Variants in ATP8A2 observed in about 807,000 individuals in gnomAD.
ATP8A2 encodes the protein phospholipid-transporting ATPase IB.
Under a neutral mutation model 165.6 loss-of-function variants are expected in ATP8A2, and 100 were observed. That is an observed-to-expected ratio of 0.60 (90% CI 0.51 to 0.71). The LOEUF (loss-of-function observed/expected upper bound fraction) is 0.71. ATP8A2 is among the 30% of genes least tolerant of loss of function. ATP8A2 has a pLI of 0.00. For synonymous variants in ATP8A2, 543 were observed against 548.8 expected, an observed-to-expected ratio of 0.99 and a Z score of 0.15; for missense variants, 1,227 against 1,479.5, an observed-to-expected ratio of 0.83 and a Z score of 2.80.
chr13:25,897,267 T>G (rs1015185000), intron 33 of ATP8A2, among the ~76,000 whole-genome samples: 3 of 152,164 alleles, frequency 2.0e-5, no homozygotes, highest in African/African-American at 7.2e-5. Context: ...GTCTGTAAAG[T>G]ATTTTATTTC....
At chr13:25,923,797 A>T (rs940277883) in intron 33 of ATP8A2, among the ~76,000 whole-genome samples, 1 of 152,156 alleles carries the variant, frequency 6.6e-6, no homozygotes, top group African/African-American at 2.4e-5. Flanking sequence ...ATCTTTCTGT[A>T]GACATGGGGT....
At chr13:25,883,494 G>C (rs1157562636) in intron 33 of ATP8A2, among the ~76,000 whole-genome samples, 2 of 152,196 alleles carry the variant, frequency 1.3e-5, no homozygotes, top group East Asian at 3.8e-4. Context: ...TCACCCACTG[G>C]ACTGTCAGGA....
chr13:25,728,698 C>T (rs1157597821), intron 25 of ATP8A2, among the ~76,000 whole-genome samples: 6 of 151,734 alleles, frequency 4.0e-5, no homozygotes, highest in Non-Finnish European at 5.9e-5. Context: ...GGGGGAGCAC[C>T]GTGTCCCAGG....
chr13:25,774,540 G>C (rs1191426631), intron 26 of ATP8A2, among the ~76,000 whole-genome samples: 3 of 152,178 alleles, frequency 2.0e-5, no homozygotes, highest in Non-Finnish European at 4.4e-5. Flanking sequence ...TTCACATCCT[G>C]CACATGTATC....
intron 18 of ATP8A2, among the ~76,000 whole-genome samples, chr13:25,572,718 C>T (rs2039503170): frequency 6.6e-6 from 1 of 151,734 alleles, no homozygotes; most frequent in Non-Finnish European, 1.5e-5. Context: ...GGGGCTAGTC[C>T]CTGCCATCCC....
chr13:25,564,274 A>G (rs1409985247), intron 16 of ATP8A2, among the ~76,000 whole-genome samples: 1 of 152,216 alleles, frequency 6.6e-6, no homozygotes, highest in Admixed American at 6.5e-5. Context: ...GACGAGTTTT[A>G]CCACATAATT....
At chr13:25,902,186 G>A (rs896781963) in intron 33 of ATP8A2, among the ~76,000 whole-genome samples, 8 of 152,120 alleles carry the variant, frequency 5.3e-5, no homozygotes, top group African/African-American at 1.9e-4. Context: ...CCATTCCCCC[G>A]CCATCACCTC....
At chr13:25,794,820 TACACAC>T (rs3053488) in intron 27 of ATP8A2, among the ~76,000 whole-genome samples, 16,536 of 139,608 alleles carry the variant, frequency 0.12, 1,151 homozygotes, top group Non-Finnish European at 0.17. Context: ...TTCCCTCTCC[TACACAC>T]ACACACACAC....
At chr13:25,614,121 G>A (rs1304400300) in intron 24 of ATP8A2, among the ~76,000 whole-genome samples, 5 of 152,100 alleles carry the variant, frequency 3.3e-5, no homozygotes, top group African/African-American at 7.2e-5. Flanking sequence ...CCTCAAATAC[G>A]TTTTCTAAAG....
At chr13:25,759,570 G>A (rs1490337619) in intron 25 of ATP8A2, among the ~76,000 whole-genome samples, 2 of 152,046 alleles carry the variant, frequency 1.3e-5, no homozygotes, top group African/African-American at 4.8e-5. Context: ...GGGTCTTGGG[G>A]GCCTTAATAA....
At chr13:25,705,067 A>G in intron 25 of ATP8A2, 1 of 323,194 alleles carries the variant, frequency 3.1e-6, no homozygotes, top group Admixed American at 4.5e-5. Context: ...AAGGGGTGAA[A>G]GTTATGTGGA....
At chr13:25,517,773 T>C (rs1184911089) in intron 2 of ATP8A2, among the ~76,000 whole-genome samples, 2 of 152,236 alleles carry the variant, frequency 1.3e-5, no homozygotes, top group Non-Finnish European at 2.9e-5. Flanking sequence ...ATGTTGAAAA[T>C]ATAAATGGCA....
rs150090068 is a variant in ATP8A2 at position 25,396,886 on chromosome 13, G to A, written c.76+24598G>A. ...TGTGGTGAGACAGAACACTCACACA[G>A]CAAGCTTTCAGCAAAGCAGCTTTAT... On this transcript the variant is annotated intron_variant, in intron 1 of 36. Coordinates refer to ENST00000381655, the MANE Select transcript of ATP8A2 (RefSeq NM_016529.6). Among the ~76,000 whole-genome samples the A allele has an allele frequency of 2.9e-3, 447 of 152,318 alleles. 3 individuals carry two copies. Among genetic ancestry groups the A allele is most frequent in the African/African-American group, 0.01 (432 of 41,574 alleles).
intron 27 of ATP8A2, among the ~76,000 whole-genome samples, chr13:25,792,478 G>A (rs952287778): frequency 6.6e-6 from 1 of 151,484 alleles, no homozygotes; most frequent in Non-Finnish European, 1.5e-5. Flanking sequence ...CCAGTTAGTG[G>A]TTAGATAATT....
At chr13:25,685,383 C>T (rs766803317) in intron 24 of ATP8A2, among the ~76,000 whole-genome samples, 4 of 152,220 alleles carry the variant, frequency 2.6e-5, no homozygotes, top group East Asian at 1.9e-4. Flanking sequence ...GCTGTGCCCT[C>T]GGCCCTGAAT....
At chr13:25,417,598 A>T (rs1381982651) in intron 1 of ATP8A2, among the ~76,000 whole-genome samples, 1 of 151,142 alleles carries the variant, frequency 6.6e-6, no homozygotes. Flanking sequence ...ACTTGTTAGG[A>T]TAATTATTCT....
At chr13:25,610,166 T>C (rs2040644428) in intron 24 of ATP8A2, among the ~76,000 whole-genome samples, 1 of 152,044 alleles carries the variant, frequency 6.6e-6, no homozygotes, top group Non-Finnish European at 1.5e-5. Context: ...TGCTTTTGGG[T>C]TCTTGGTTAC....
intron 25 of ATP8A2, among the ~76,000 whole-genome samples, chr13:25,734,170 A>C (rs1269694969): frequency 1.3e-5 from 2 of 152,206 alleles, no homozygotes; most frequent in African/African-American, 4.8e-5. Flanking sequence ...AATAAACTTC[A>C]GTATTCATTG....
chr13:25,532,439 A>G (rs1593477680), intron 5 of ATP8A2, 122 bp downstream of exon 5: 13 of 646,226 alleles, frequency 2.0e-5, no homozygotes, highest in East Asian at 1.5e-4. Context: ...TCTATAAAAT[A>G]AAGAAATAGT....
Sources: gnomAD v4.1 joint callset for allele counts (sites outside exome capture counted in the v4.1 genomes callset) on GRCh38, gnomAD v4.1.1 for gene constraint, MANE v1.5 for transcripts, NCBI Gene and HGNC (gene_info 2026-07-23, HGNC 2026-07-21) for gene names.